KCNB2: variants seen among roughly 807,000 people sequenced by gnomAD.
The protein encoded by KCNB2 is delayed rectifier potassium channel protein.
Under a neutral mutation model 61.5 loss-of-function variants are expected in KCNB2, and 15 were observed. The ratio of observed to expected loss-of-function variants is 0.24; its 90% CI spans 0.16 to 0.38. The LOEUF is 0.38. Among genes scored for constraint, KCNB2 ranks in the 10% least tolerant of loss-of-function variants. The probability of loss-of-function intolerance (pLI) is 1.00; values close to 1 mark genes in which losing one functional copy is unlikely to be tolerated. For synonymous variants in KCNB2, 457 were observed against 446.0 expected (o/e 1.02, Z -0.31); for missense variants, 828 against 1,125.2 (o/e 0.74, Z 3.78).
intron 2 of KCNB2, among the ~76,000 whole-genome samples, chr8:72,702,134 C>T (rs2255416): frequency 0.25 from 37,643 of 152,030 alleles, 7,960 homozygotes; most frequent in African/African-American, 0.58. Context: ...CAAAATCCCA[C>T]CCCAGCACTA....
intron 2 of KCNB2, among the ~76,000 whole-genome samples, chr8:72,890,589 C>CT (rs1805881419): frequency 6.6e-6 from 1 of 152,150 alleles, no homozygotes; most frequent in Admixed American, 6.5e-5. Flanking sequence ...AGCACCCTGC[C>CT]TTATGGAGGA....
At chr8:72,569,601 T>C (rs1405439378) in intron 2 of KCNB2, among the ~76,000 whole-genome samples, 2 of 151,594 alleles carry the variant, frequency 1.3e-5, no homozygotes, top group Non-Finnish European at 2.9e-5. Flanking sequence ...TTTTTGTAGT[T>C]TTGGATAAGT....
chr8:72,909,475 G>A (rs1348763779), intron 2 of KCNB2, among the ~76,000 whole-genome samples: 1 of 152,110 alleles, frequency 6.6e-6, no homozygotes, highest in Non-Finnish European at 1.5e-5. Flanking sequence ...GTAGAGTTCG[G>A]CAGGACAAGA....
intron 2 of KCNB2, among the ~76,000 whole-genome samples, chr8:72,594,970 A>G (rs1022827799): frequency 4.6e-5 from 7 of 152,316 alleles, no homozygotes; most frequent in Admixed American, 2.6e-4. Context: ...AAGAATTCGT[A>G]CAAGAACAAA....
chr8:72,537,281 G>A lies in KCNB2; in HGVS notation c.-698G>A, dbSNP rs1806123458. 6.6e-6 allele frequency: 1 copy of A among 151,800 alleles called. No homozygotes were observed. Among genetic ancestry groups the A allele is most frequent in the Admixed American group, 6.6e-5 (1 of 15,190 alleles). 9.4% of individuals were successfully genotyped at this position (151,800 alleles called of 1,614,324 possible). A position where few individuals can be genotyped will look rare whatever the true frequency, so the allele number is the denominator to read the frequency against. On this transcript the variant is annotated 5_prime_UTR_variant, in exon 1 of 3. Coordinates refer to ENST00000523207, the MANE Select transcript of KCNB2 (RefSeq NM_004770.3). ...TGCGGGGCGGGGGAGCGGCGCCCCA[G>A]AGCGCCCCGCCTAGCCTCCCGCGCG... is the stretch of plus-strand genomic sequence containing the variant.
intron 2 of KCNB2, among the ~76,000 whole-genome samples, chr8:72,600,998 C>CAAAA (rs773297528): frequency 7.8e-6 from 1 of 127,986 alleles, no homozygotes. Context: ...AAATAAAAGT[C>CAAAA]AAAAAAAAAA....
At chr8:72,886,284 T>G (rs1805805740) in intron 2 of KCNB2, among the ~76,000 whole-genome samples, 1 of 152,204 alleles carries the variant, frequency 6.6e-6, no homozygotes, top group South Asian at 2.1e-4. Context: ...CCTTGTAGAA[T>G]CTGTTGATTT....
At chr8:72,719,808 T>A (rs1807517538) in intron 2 of KCNB2, among the ~76,000 whole-genome samples, 1 of 152,022 alleles carries the variant, frequency 6.6e-6, no homozygotes, top group African/African-American at 2.4e-5. Flanking sequence ...AAAGAATATT[T>A]GATTGTAATT....
rs1255482826 is a variant in KCNB2 at position 72,748,598 on chromosome 8, G to GT, written c.579+180295dup. Among the ~76,000 whole-genome samples the GT allele has an allele frequency of 2.1e-3, 273 of 128,454 alleles. 2 individuals carry two copies. Among genetic ancestry groups the GT allele is most frequent in the African/African-American group, 6.5e-3 (214 of 33,126 alleles). 84.3% of individuals were successfully genotyped at this position (128,454 alleles called of 152,430 possible). ...TTTACAGAGTACTGAACTCACTTTG[G>GT]TTTTTTTTTTGTTGTTTTTTTTTTT... On this transcript the variant is annotated intron_variant, in intron 2 of 2. Transcript: ENST00000523207.
intron 2 of KCNB2, among the ~76,000 whole-genome samples, chr8:72,928,190 TC>T (rs1189710231): frequency 1.1e-4 from 16 of 145,812 alleles, no homozygotes; most frequent in Non-Finnish European, 1.9e-4. Flanking sequence ...CCACTTTCTT[TC>T]TTTTTTTTTT....
At chr8:72,540,088 T>C (rs373914036) in intron 1 of KCNB2, among the ~76,000 whole-genome samples, 5 of 152,202 alleles carry the variant, frequency 3.3e-5, no homozygotes, top group Non-Finnish European at 4.4e-5. Context: ...AAATATTTTT[T>C]CTTGAATGCG....
At chr8:72,809,423 G>A (rs886764466) in intron 2 of KCNB2, among the ~76,000 whole-genome samples, 1 of 152,066 alleles carries the variant, frequency 6.6e-6, no homozygotes, top group East Asian at 1.9e-4. Context: ...ACACACAAAA[G>A]AGACAATGTT....
At chr8:72,807,325 T>A (rs1809241425) in intron 2 of KCNB2, among the ~76,000 whole-genome samples, 1 of 152,234 alleles carries the variant, frequency 6.6e-6, no homozygotes, top group Admixed American at 6.5e-5. Flanking sequence ...ACAAGCAAGC[T>A]GTTTTCTGGG....
chr8:72,725,421 T>C (rs1366410545), intron 2 of KCNB2, among the ~76,000 whole-genome samples: 1 of 150,716 alleles, frequency 6.6e-6, no homozygotes, highest in Non-Finnish European at 1.5e-5. Context: ...AACTAACACT[T>C]AGGGAAGTCG....
intron 2 of KCNB2, among the ~76,000 whole-genome samples, chr8:72,815,573 C>T (rs1009879328): frequency 1.3e-5 from 2 of 152,064 alleles, no homozygotes. Context: ...TAAATATTTG[C>T]TGAATAAATG....
At chr8:72,744,274 C>T (rs898736022) in intron 2 of KCNB2, among the ~76,000 whole-genome samples, 22 of 152,118 alleles carry the variant, frequency 1.4e-4, no homozygotes, top group Admixed American at 1.3e-4. Flanking sequence ...ACTCAGTTTC[C>T]ACAGTTTCTT....
chr8:72,885,272 T>C (rs952170884), intron 2 of KCNB2, among the ~76,000 whole-genome samples: 1 of 152,144 alleles, frequency 6.6e-6, no homozygotes, highest in East Asian at 1.9e-4. Flanking sequence ...GTGAGAATAG[T>C]CTGTAACTTT....
chr8:72,684,295 G>C (rs1222607271), intron 2 of KCNB2, among the ~76,000 whole-genome samples: 1 of 152,212 alleles, frequency 6.6e-6, no homozygotes, highest in African/African-American at 2.4e-5. Flanking sequence ...TTGATCTGAT[G>C]TTCCCCTGGG....
chr8:72,873,233 T>G (rs1332362823), intron 2 of KCNB2, among the ~76,000 whole-genome samples: 2 of 152,196 alleles, frequency 1.3e-5, no homozygotes, highest in Non-Finnish European at 2.9e-5. Flanking sequence ...TCATTTCCTC[T>G]TGTGCCGCAG....
Sources: gnomAD v4.1 joint callset for allele counts (sites outside exome capture counted in the v4.1 genomes callset) on GRCh38, gnomAD v4.1.1 for gene constraint, MANE v1.5 for transcripts, NCBI Gene and HGNC (gene_info 2026-07-23, HGNC 2026-07-21) for gene names.